Variants in CDH13 observed in about 807,000 individuals in gnomAD.
CDH13 encodes the protein cadherin-13.
Under a neutral mutation model 63.8 loss-of-function variants are expected in CDH13, and 24 were observed. That is an observed-to-expected ratio of 0.38 (90% CI 0.27 to 0.53). The LOEUF is 0.53. Among genes scored for constraint, CDH13 ranks in the 20% least tolerant of loss-of-function variants. CDH13 has a pLI of 0.85. For synonymous variants in CDH13, 503 were observed against 355.3 expected, an observed-to-expected ratio of 1.42 and a Z score of -4.67; for missense variants, 1,049 against 903.1, an observed-to-expected ratio of 1.16 and a Z score of -2.07.
intron 1 of CDH13, among the ~76,000 whole-genome samples, chr16:82,813,121 T>C (rs1269371436): frequency 1.3e-5 from 2 of 152,180 alleles, no homozygotes; most frequent in Non-Finnish European, 2.9e-5. Flanking sequence ...AGTGATTTAA[T>C]GTGTGCTGAA....
intron 2 of CDH13, among the ~76,000 whole-genome samples, chr16:82,871,778 C>T (rs1236277979): frequency 6.6e-6 from 1 of 152,160 alleles, no homozygotes; most frequent in Non-Finnish European, 1.5e-5. Context: ...TCCTCAATAT[C>T]ACCCTTCATC....
intron 6 of CDH13, among the ~76,000 whole-genome samples, chr16:83,471,128 A>C (rs2073441714): frequency 6.6e-6 from 1 of 152,118 alleles, no homozygotes; most frequent in Non-Finnish European, 1.5e-5. Flanking sequence ...GGGCCCACCC[A>C]GATAATCTAG....
At chr16:83,114,446 G>C (rs1467729499) in intron 3 of CDH13, among the ~76,000 whole-genome samples, 2 of 152,118 alleles carry the variant, frequency 1.3e-5, no homozygotes, top group African/African-American at 4.8e-5. Context: ...CAGCTTATTG[G>C]CTTGATGCCA....
chr16:83,372,599 A>G (rs1312775307), intron 6 of CDH13, among the ~76,000 whole-genome samples: 1 of 151,884 alleles, frequency 6.6e-6, no homozygotes, highest in East Asian at 1.9e-4. Context: ...TAAAAATATA[A>G]AAATTTACTG....
intron 2 of CDH13, among the ~76,000 whole-genome samples, chr16:82,944,070 T>G (rs1904424767): frequency 6.6e-6 from 1 of 152,184 alleles, no homozygotes; most frequent in Non-Finnish European, 1.5e-5. Context: ...ATCTCCAGCC[T>G]TAGGAAATAA....
intron 1 of CDH13, among the ~76,000 whole-genome samples, chr16:82,787,516 T>A (rs1379519485): frequency 6.6e-6 from 1 of 152,218 alleles, no homozygotes; most frequent in Non-Finnish European, 1.5e-5. Flanking sequence ...TGGGGGGCTT[T>A]AATCAGAAAT....
chr16:83,366,815 A>C (rs989290516), intron 6 of CDH13, among the ~76,000 whole-genome samples: 2 of 152,180 alleles, frequency 1.3e-5, no homozygotes, highest in Non-Finnish European at 2.9e-5. Flanking sequence ...GGTGGTTGAC[A>C]CTTAGGAACT....
chr16:83,089,607 A>T (rs2033794819), intron 3 of CDH13, among the ~76,000 whole-genome samples: 1 of 152,228 alleles, frequency 6.6e-6, no homozygotes, highest in African/African-American at 2.4e-5. Context: ...AATGGGGTTC[A>T]CAGTTTAGTG....
chr16:83,029,923 C>G (rs897635894), intron 2 of CDH13, among the ~76,000 whole-genome samples: 1 of 152,150 alleles, frequency 6.6e-6, no homozygotes, highest in Non-Finnish European at 1.5e-5. Flanking sequence ...GCACGTAGTA[C>G]AATTCTATGC....
At chr16:83,431,267 G>A (rs984579732) in intron 6 of CDH13, among the ~76,000 whole-genome samples, 3 of 151,640 alleles carry the variant, frequency 2.0e-5, no homozygotes, top group African/African-American at 4.9e-5. Context: ...GAATAATGCC[G>A]CAATAAACAT....
intron 11 of CDH13, among the ~76,000 whole-genome samples, chr16:83,778,568 A>T (rs1915282525): frequency 6.6e-6 from 1 of 152,138 alleles, no homozygotes; most frequent in Non-Finnish European, 1.5e-5. Context: ...ATTGGTGATT[A>T]TGAGGGCCAT....
intron 6 of CDH13, among the ~76,000 whole-genome samples, chr16:83,450,051 G>C (rs1322790943): frequency 6.6e-6 from 1 of 152,212 alleles, no homozygotes; most frequent in Non-Finnish European, 1.5e-5. Context: ...TGGGGTTGCA[G>C]AGTTCAATGC....
At chr16:83,250,560 G>C (rs1905400584) in intron 5 of CDH13, among the ~76,000 whole-genome samples, 1 of 152,280 alleles carries the variant, frequency 6.6e-6, no homozygotes, top group East Asian at 1.9e-4. Flanking sequence ...GCCATGCAGA[G>C]GTATGCACTG....
intron 2 of CDH13, among the ~76,000 whole-genome samples, chr16:82,970,382 C>CTTTTTTTTT (rs558393653): frequency 2.6e-5 from 2 of 76,750 alleles, no homozygotes; most frequent in Non-Finnish European, 5.2e-5. Flanking sequence ...AGTGCATATT[C>CTTTTTTTTT]TTTTTTTTTT....
chr16:82,995,707 C>A (rs765763951), intron 2 of CDH13, among the ~76,000 whole-genome samples: 53 of 152,264 alleles, frequency 3.5e-4, no homozygotes, highest in Non-Finnish European at 3.8e-4. Context: ...TGATACTTCT[C>A]CCCAGTTATA....
chr16:83,649,251 G>A (rs1313368811), intron 8 of CDH13, among the ~76,000 whole-genome samples: 1 of 152,188 alleles, frequency 6.6e-6, no homozygotes, highest in African/African-American at 2.4e-5. Context: ...TGAGGATTTT[G>A]GAACAGTATG....
chr16:82,971,988 A>G (rs1574507), intron 2 of CDH13, among the ~76,000 whole-genome samples: 1 of 152,110 alleles, frequency 6.6e-6, no homozygotes, highest in Non-Finnish European at 1.5e-5. Context: ...AGGAAGTCCC[A>G]TTATTGCTGG....
At chr16:83,249,806 T>C (rs17677749) in intron 5 of CDH13, among the ~76,000 whole-genome samples, 14,679 of 152,286 alleles carry the variant, frequency 0.096, 1,017 homozygotes, top group Non-Finnish European at 0.14. Context: ...TTGGAAGCTT[T>C]GACGTTGGTG....
intron 4 of CDH13, among the ~76,000 whole-genome samples, chr16:83,138,884 G>T (rs918347189): frequency 6.6e-6 from 1 of 152,138 alleles, no homozygotes; most frequent in African/African-American, 2.4e-5. Context: ...AAGGGCCATG[G>T]TGGGGGATAC....
Sources: allele counts gnomAD v4.1 joint callset (sites outside exome capture counted in the v4.1 genomes callset), GRCh38; gene constraint gnomAD v4.1.1; transcripts MANE v1.5; gene names NCBI Gene and HGNC (gene_info 2026-07-23, HGNC 2026-07-21).